The following PMFBP1 variants were observed in gnomAD, a reference collection of about 807,000 sequenced individuals.
The protein encoded by PMFBP1 is polyamine-modulated factor 1-binding protein 1.
A neutral mutation model predicts 137.8 loss-of-function variants in PMFBP1; 131 were observed. The observed-to-expected ratio is 0.95, with a 90% CI of 0.82 to 1.10. The LOEUF (loss-of-function observed/expected upper bound fraction) is 1.10. PMFBP1 is among the 50% of genes least tolerant of loss of function. PMFBP1 has a pLI of 0.00. For missense variants in PMFBP1, 1,199 were observed against 1,175.4 expected, an observed-to-expected ratio of 1.02 and a Z score of -0.29; for synonymous variants, 490 against 450.4, an observed-to-expected ratio of 1.09 and a Z score of -1.11.
intron 10 of PMFBP1, 89 bp downstream of exon 10, chr16:72,132,659 G>A: frequency 6.4e-7 from 1 of 1,574,508 alleles, no homozygotes; most frequent in Non-Finnish European, 8.6e-7. Flanking sequence ...GCGAGGGGAA[G>A]TGGCCACTGG....
intron 3 of PMFBP1, among the ~76,000 whole-genome samples, chr16:72,159,573 C>T (rs940440933): frequency 1.3e-5 from 2 of 152,226 alleles, no homozygotes; most frequent in African/African-American, 4.8e-5. Context: ...GAATTTTAAA[C>T]ATTTGCACAC....
At chr16:72,183,656 T>C in the PMFBP1 span, among the ~76,000 whole-genome samples, 1 of 151,856 alleles carries the variant, frequency 6.6e-6, no homozygotes, top group African/African-American at 2.4e-5. Context: ...GTTCAGGGGG[T>C]CAGGACTTTA....
At chr16:72,166,764 G>A (rs756356805) in intron 2 of PMFBP1, among the ~76,000 whole-genome samples, 2 of 152,224 alleles carry the variant, frequency 1.3e-5, no homozygotes, top group Non-Finnish European at 2.9e-5. Context: ...CTCAGCATCA[G>A]TCAGTCAATG....
Position 72,132,751 on chromosome 16 carries a change from C to A in PMFBP1, c.1444G>T (p.Ala482Ser), listed in dbSNP as rs763789186. The A allele has an allele frequency of 5.0e-6, 8 of 1,614,076 alleles. No individual in the cohort carries two copies. In the Admixed American group the frequency reaches 1.3e-4, roughly 27 times the overall value. The change falls in exon 10 of 21, where the codon GCT becomes TCT. Residue 482 changes from alanine to serine, a missense_variant. Transcript: ENST00000237353. The stretch of plus-strand genomic sequence containing the variant: ...ACAGCACCTGCAGGGGCCTCACCAG[C>A]CAGCCTCTCCTGCTGCTTGGCCTCT... ...LEEAKQQERLAAQQAAQCKEE... is the reference protein window; with the variant it reads ...LEEAKQQERLSAQQAAQCKEE...
the PMFBP1 span, among the ~76,000 whole-genome samples, chr16:72,229,107 T>C: frequency 6.6e-6 from 1 of 152,178 alleles, no homozygotes; most frequent in South Asian, 2.1e-4. Context: ...ATGCAGTATT[T>C]GGTTTTCTGT....
chr16:72,193,531 T>C, the PMFBP1 span, among the ~76,000 whole-genome samples: 1 of 152,136 alleles, frequency 6.6e-6, no homozygotes, highest in Middle Eastern at 3.2e-3. Context: ...AAGAGTAATA[T>C]ATTATTTTTT....
At chr16:72,144,143 G>A (rs1171208930) in intron 5 of PMFBP1, among the ~76,000 whole-genome samples, 4 of 152,006 alleles carry the variant, frequency 2.6e-5, no homozygotes, top group Non-Finnish European at 5.9e-5. Flanking sequence ...AAATACGTGA[G>A]ATCTACAGAG....
the PMFBP1 span, among the ~76,000 whole-genome samples, chr16:72,214,759 T>C: frequency 6.6e-6 from 1 of 151,968 alleles, no homozygotes; most frequent in Non-Finnish European, 1.5e-5. Context: ...AAATCCAACA[T>C]TATAAGAGAT....
chr16:72,192,095 A>G, the PMFBP1 span, among the ~76,000 whole-genome samples: 2 of 152,078 alleles, frequency 1.3e-5, no homozygotes, highest in Non-Finnish European at 2.9e-5. Flanking sequence ...GCCTCTCCCC[A>G]CCATCCTGAA....
At chr16:72,204,700 T>A in the PMFBP1 span, among the ~76,000 whole-genome samples, 7 of 152,146 alleles carry the variant, frequency 4.6e-5, no homozygotes, top group Non-Finnish European at 8.8e-5. Flanking sequence ...GTACTTGATA[T>A]ACCATTTTTT....
the PMFBP1 span, among the ~76,000 whole-genome samples, chr16:72,190,596 T>C: frequency 6.7e-6 from 1 of 148,598 alleles, no homozygotes; most frequent in East Asian, 2.0e-4. Context: ...AGAGAGGGAG[T>C]GAAATGGGAT....
the PMFBP1 span, among the ~76,000 whole-genome samples, chr16:72,220,612 C>T: frequency 6.6e-6 from 1 of 152,030 alleles, no homozygotes; most frequent in African/African-American, 2.4e-5. Flanking sequence ...AAAATGAGCT[C>T]CAACGAGAAA....
chr16:72,123,789 T>G, intron 17 of PMFBP1, 140 bp from the exon 18 acceptor site: 2 of 680,904 alleles, frequency 2.9e-6, no homozygotes, highest in Admixed American at 5.8e-5. Flanking sequence ...AGTTGTGGAG[T>G]TGCCACCAGA....
At chr16:72,142,072 G>GTC (rs2042732286) in intron 5 of PMFBP1, among the ~76,000 whole-genome samples, 1 of 150,548 alleles carries the variant, frequency 6.6e-6, no homozygotes, top group South Asian at 2.1e-4. Context: ...CATTAAACTT[G>GTC]TCTCTCTAAC....
intron 2 of PMFBP1, among the ~76,000 whole-genome samples, chr16:72,168,490 G>C (rs1320966576): frequency 6.6e-6 from 1 of 152,134 alleles, no homozygotes; most frequent in African/African-American, 2.4e-5. Flanking sequence ...TGCCTTTTGA[G>C]TATCAACATG....
the PMFBP1 span, among the ~76,000 whole-genome samples, chr16:72,196,878 T>C: frequency 5.7e-4 from 87 of 152,326 alleles, no homozygotes; most frequent in Non-Finnish European, 9.4e-4. Flanking sequence ...TTTTGAAAGA[T>C]AGCCCTAATA....
chr16:72,129,277 T>C (rs2042512079), intron 12 of PMFBP1, 44 bp from the exon 13 acceptor site: 1 of 1,578,180 alleles, frequency 6.3e-7, no homozygotes, highest in African/African-American at 1.4e-5. Flanking sequence ...TTAGACTATA[T>C]TATATTTGGG....
At chr16:72,153,071 C>T (rs559302156) in intron 4 of PMFBP1, among the ~76,000 whole-genome samples, 23 of 152,246 alleles carry the variant, frequency 1.5e-4, no homozygotes, top group Non-Finnish European at 2.6e-4. Context: ...TTATATGCTG[C>T]TAAATAGAAT....
intron 4 of PMFBP1, among the ~76,000 whole-genome samples, chr16:72,152,306 T>C (rs969817795): frequency 2.6e-5 from 4 of 152,078 alleles, no homozygotes; most frequent in African/African-American, 9.7e-5. Context: ...CCGAGTCCTG[T>C]ATGTATTCTC....
Sources: gnomAD v4.1 joint callset for allele counts (sites outside exome capture counted in the v4.1 genomes callset) on GRCh38, gnomAD v4.1.1 for gene constraint, MANE v1.5 for transcripts, NCBI Gene and HGNC (gene_info 2026-07-23, HGNC 2026-07-21) for gene names.